The following CHD6 variants were observed in gnomAD, a reference collection of about 807,000 sequenced individuals.
CHD6 encodes the protein ATP-dependent chromatin remodeler CHD6.
CHD6 carries 50 observed loss-of-function variants against 276.9 expected under a neutral mutation model. That is an observed-to-expected ratio of 0.18 (90% CI 0.14 to 0.23). The LOEUF (loss-of-function observed/expected upper bound fraction) is 0.23. Ranked by LOEUF, CHD6 falls within the 10% of genes least tolerant of loss-of-function variation. The pLI is 1.00. For synonymous variants in CHD6, 1,173 were observed against 1,229.3 expected (o/e 0.95, Z 0.96); for missense variants, 2,564 against 3,365.8 (o/e 0.76, Z 5.89).
At chr20:41,610,504 G>A (rs1350667156) in intron 1 of CHD6, among the ~76,000 whole-genome samples, 3 of 152,120 alleles carry the variant, frequency 2.0e-5, no homozygotes, top group African/African-American at 4.8e-5. Flanking sequence ...GCTCACGCCC[G>A]TAATCCCAGC....
intron 29 of CHD6, among the ~76,000 whole-genome samples, chr20:41,424,398 G>A (rs752957201): frequency 3.9e-5 from 6 of 152,194 alleles, no homozygotes; most frequent in Non-Finnish European, 8.8e-5. Flanking sequence ...CTCCAATCCA[G>A]AGGGAGTCTA....
chr20:41,431,158 T>G (rs1316425039), intron 27 of CHD6, among the ~76,000 whole-genome samples: 2 of 152,180 alleles, frequency 1.3e-5, no homozygotes, highest in Non-Finnish European at 2.9e-5. Flanking sequence ...ATTGTCAAGA[T>G]GAGAACCTAA....
chr20:41,412,386 C>T, intron 35 of CHD6, 123 bp from the exon 36 acceptor site: 2 of 1,120,172 alleles, frequency 1.8e-6, no homozygotes, highest in Non-Finnish European at 2.6e-6. Context: ...AGGAGCTGGC[C>T]AGGTTAAACT....
At chr20:41,484,901 T>G (rs1318009303) in intron 14 of CHD6, among the ~76,000 whole-genome samples, 4 of 152,132 alleles carry the variant, frequency 2.6e-5, no homozygotes, top group African/African-American at 9.7e-5. Flanking sequence ...AGAAAACATG[T>G]CTCTCTGTCA....
chr20:41,603,764 G>A (rs2045797718), intron 1 of CHD6, among the ~76,000 whole-genome samples: 1 of 152,042 alleles, frequency 6.6e-6, no homozygotes, highest in Non-Finnish European at 1.5e-5. Context: ...CTACTTGAGA[G>A]GCTGAGGCAG....
Position 41,404,105 on chromosome 20 carries a change from AT to A in CHD6, c.*487del. 2.8e-6 allele frequency: 3 copies of A among 1,052,726 alleles called. No individual in the cohort carries two copies. Among genetic ancestry groups the A allele is most frequent in the Non-Finnish European group, 3.4e-6 (3 of 871,520 alleles). 65.2% of individuals were successfully genotyped at this position (1,052,726 alleles called of 1,614,324 possible). ...TTAGTAATCATGATAAAATAGGGAA[AT>A]ATTTTAACTCAAAAATATGCACCAG... On this transcript the variant is annotated 3_prime_UTR_variant, in exon 37 of 37. Transcript: ENST00000373233.
rs1189323419 is a variant in CHD6 at position 41,504,077 on chromosome 20, C to CAAAAAAAAAAAAAAA, written c.853-4735_853-4721dup. On this transcript the variant is annotated intron_variant, in intron 5 of 36. Coordinates refer to ENST00000373233, the MANE Select transcript of CHD6 (RefSeq NM_032221.5). ...TGGGTGATAGAGTGAGACTCTGTCT[C>CAAAAAAAAAAAAAAA]AAAAAAAAAAAAAAAAAAAAAAAAA... Among the ~76,000 whole-genome samples the CAAAAAAAAAAAAAAA allele has an allele frequency of 3.5e-3, 95 of 27,088 alleles. 4 individuals are homozygous for CAAAAAAAAAAAAAAA. Among genetic ancestry groups the CAAAAAAAAAAAAAAA allele is most frequent in the East Asian group, 0.01 (7 of 678 alleles). The allele number at this position is 27,088 out of a possible 152,430, so 17.8% of individuals were successfully genotyped here.
chr20:41,617,582 A>C (rs1174951987), intron 1 of CHD6, among the ~76,000 whole-genome samples: 1 of 152,210 alleles, frequency 6.6e-6, no homozygotes, highest in African/African-American at 2.4e-5. Context: ...GTTACTTCTC[A>C]ACAGCGAGGA....
At chr20:41,515,732 T>A (rs937953532) in intron 3 of CHD6, among the ~76,000 whole-genome samples, 1 of 152,252 alleles carries the variant, frequency 6.6e-6, no homozygotes, top group African/African-American at 2.4e-5. Flanking sequence ...AGTTGCTCAA[T>A]AAACATTTGC....
chr20:41,519,103 G>A (rs772163360), intron 3 of CHD6, among the ~76,000 whole-genome samples: 6 of 152,130 alleles, frequency 3.9e-5, no homozygotes, highest in African/African-American at 1.2e-4. Context: ...GCAATATGGC[G>A]AAACCCCGTC....
chr20:41,583,496 G>A (rs764455846), intron 1 of CHD6, among the ~76,000 whole-genome samples: 24 of 152,080 alleles, frequency 1.6e-4, no homozygotes, highest in Middle Eastern at 6.9e-3. Flanking sequence ...ATTCAATGTC[G>A]GCATACCTGC....
At chr20:41,487,382 A>G (rs188386089) in intron 14 of CHD6, among the ~76,000 whole-genome samples, 4 of 152,312 alleles carry the variant, frequency 2.6e-5, no homozygotes, top group Admixed American at 6.5e-5. Context: ...CGAACGCACA[A>G]TATGTGAAAT....
At chr20:41,510,843 C>T (rs547792627) in intron 5 of CHD6, among the ~76,000 whole-genome samples, 1 of 152,350 alleles carries the variant, frequency 6.6e-6, no homozygotes, top group African/African-American at 2.4e-5. Context: ...CAATACAATT[C>T]TATCACCTCA....
intron 25 of CHD6, 25 bp downstream of exon 25, chr20:41,445,640 G>A (rs552100214): frequency 7.3e-6 from 11 of 1,510,896 alleles, no homozygotes; most frequent in African/African-American, 2.7e-5. Context: ...GATACAGAAG[G>A]GAACGCCTTC....
chr20:41,573,439 C>T (rs560972606), intron 1 of CHD6, among the ~76,000 whole-genome samples: 1 of 152,278 alleles, frequency 6.6e-6, no homozygotes, highest in Non-Finnish European at 1.5e-5. Flanking sequence ...GATTTTTAGC[C>T]TCCATGTATT....
chr20:41,476,795 A>G (rs2043177506), intron 16 of CHD6, among the ~76,000 whole-genome samples: 1 of 151,898 alleles, frequency 6.6e-6, no homozygotes, highest in African/African-American at 2.4e-5. Flanking sequence ...AAAAAAATAA[A>G]GAAAGAAAGA....
intron 22 of CHD6, 24 bp from the exon 23 acceptor site, chr20:41,451,129 G>A (rs748798476): frequency 1.2e-6 from 2 of 1,608,002 alleles, no homozygotes; most frequent in Admixed American, 1.7e-5. Flanking sequence ...ACAGCATAGG[G>A]CAAGTGGATA....
At chr20:41,500,342 C>A (rs1217342082) in intron 5 of CHD6, among the ~76,000 whole-genome samples, 3 of 152,052 alleles carry the variant, frequency 2.0e-5, no homozygotes, top group South Asian at 2.1e-4. Context: ...GATCTTAAAT[C>A]AAGCTTTTCC....
chr20:41,419,374 G>T (rs1281486119), intron 31 of CHD6, among the ~76,000 whole-genome samples: 2 of 151,652 alleles, frequency 1.3e-5, no homozygotes, highest in Non-Finnish European at 2.9e-5. Flanking sequence ...GAAGCCAGAA[G>T]TTCAAGACCA....
Sources: allele counts gnomAD v4.1 joint callset (sites outside exome capture counted in the v4.1 genomes callset), GRCh38; gene constraint gnomAD v4.1.1; transcripts MANE v1.5; gene names NCBI Gene and HGNC (gene_info 2026-07-23, HGNC 2026-07-21).